Variants in CCDC91 observed in about 807,000 individuals in gnomAD.
CCDC91 encodes coiled-coil domain-containing protein 91.
In CCDC91, 48 loss-of-function variants were observed where a neutral mutation model predicts 63.2. That is an observed-to-expected ratio of 0.76 (90% CI 0.60 to 0.97). The LOEUF (loss-of-function observed/expected upper bound fraction) is 0.97, where lower values mean the gene tolerates loss of function less well. CCDC91 is among the 50% of genes least tolerant of loss of function. The probability of loss-of-function intolerance (pLI) is 0.00; values close to 1 mark genes in which losing one functional copy is unlikely to be tolerated. For missense variants in CCDC91, 500 were observed against 494.6 expected, an observed-to-expected ratio of 1.01 and a Z score of -0.10; for synonymous variants, 167 against 165.8, an observed-to-expected ratio of 1.01 and a Z score of -0.06.
At chr12:28,484,307 A>T in intron 12 of CCDC91, 142 bp downstream of exon 12, 1 of 455,466 alleles carries the variant, frequency 2.2e-6, no homozygotes, top group South Asian at 3.2e-5. Flanking sequence ...ATTTTCTGAT[A>T]TAATTATGTA....
At chr12:28,290,490 T>G (rs186597928) in intron 3 of CCDC91, among the ~76,000 whole-genome samples, 2 of 152,326 alleles carry the variant, frequency 1.3e-5, no homozygotes, top group Admixed American at 1.3e-4. Context: ...ATTAAGGCAT[T>G]TAGCCCATTT....
chr12:28,383,470 A>G (rs781001813), intron 7 of CCDC91, among the ~76,000 whole-genome samples: 1 of 152,140 alleles, frequency 6.6e-6, no homozygotes, highest in African/African-American at 2.4e-5. Context: ...CAGCTTTTCC[A>G]AAATTTTAGG....
intron 1 of CCDC91, among the ~76,000 whole-genome samples, chr12:28,217,949 T>C (rs1029494735): frequency 3.3e-5 from 5 of 152,116 alleles, no homozygotes; most frequent in Admixed American, 1.3e-4. Flanking sequence ...TGACATCCTT[T>C]TCTTACTTAT....
Position 28,200,945 on chromosome 12 carries a change from G to A in CCDC91, c.-15+10304G>A, listed in dbSNP as rs1191888651. 2.8e-4 allele frequency among the ~76,000 whole-genome samples: 42 copies of A among 148,042 alleles called. 1 individual carries two copies. Among genetic ancestry groups the A allele is most frequent in the Admixed American group, 1.2e-3 (18 of 15,156 alleles). ...CCTTCCGGACGGGGCGGCTGGCCGG[G>A]CAGGGGGCTGACCCCCCAACCTCCC... On this transcript the variant is annotated intron_variant, in intron 1 of 12. Coordinates refer to ENST00000536442, the MANE Select transcript of CCDC91 (RefSeq NM_018318.5).
intron 6 of CCDC91, among the ~76,000 whole-genome samples, chr12:28,316,283 A>G (rs1224154592): frequency 1.3e-5 from 2 of 151,644 alleles, no homozygotes; most frequent in Non-Finnish European, 1.5e-5. Context: ...ATTTGTCTTT[A>G]CTTGACTCCT....
chr12:28,205,703 ATGGT>A (rs553340437), intron 1 of CCDC91, among the ~76,000 whole-genome samples: 4 of 152,282 alleles, frequency 2.6e-5, no homozygotes, highest in Non-Finnish European at 4.4e-5. Flanking sequence ...CAGTGTATGA[ATGGT>A]TGAAGTCTTT....
chr12:28,475,639 C>A lies in CCDC91; in HGVS notation c.1102-8413C>A, dbSNP rs114666865. Among the ~76,000 whole-genome samples the A allele has an allele frequency of 4.7e-3, 722 of 152,022 alleles. 8 individuals are homozygous for A. Among genetic ancestry groups the A allele is most frequent in the African/African-American group, 0.015 (608 of 41,492 alleles). On this transcript the variant is annotated intron_variant, in intron 11 of 12. Transcript: ENST00000536442. The stretch of plus-strand genomic sequence containing the variant: ...AATACCACATTTTGGCCCCCATTTT[C>A]CCTCTGTCTTGAGTGCTCTTGCCCT...
At chr12:28,239,675 A>G (rs1176092671) in intron 1 of CCDC91, among the ~76,000 whole-genome samples, 1 of 152,202 alleles carries the variant, frequency 6.6e-6, no homozygotes, top group East Asian at 1.9e-4. Context: ...ACATCCAGAA[A>G]AATTGTTGTC....
chr12:28,544,067 G>A lies in CCDC91; in HGVS notation c.1216-4996G>A, dbSNP rs531566349. 7.9e-5 allele frequency among the ~76,000 whole-genome samples: 6 copies of A among 76,064 alleles called. No homozygotes were observed. In the East Asian group the frequency reaches 1.2e-3, roughly 16 times the overall value. 49.9% of individuals were successfully genotyped at this position (76,064 alleles called of 152,430 possible). On this transcript the variant is annotated intron_variant, in intron 12 of 12. Coordinates refer to ENST00000536442, the MANE Select transcript of CCDC91 (RefSeq NM_018318.5). Reference sequence around the variant, plus strand: ...CTGTTTTCCACGTAATAATTTGTACGATATTTTTCAAACAAAGCATGGTCA... The same window carrying A: ...CTGTTTTCCACGTAATAATTTGTACAATATTTTTCAAACAAAGCATGGTCA...
At chr12:28,428,150 C>T (rs1948428073) in intron 8 of CCDC91, among the ~76,000 whole-genome samples, 1 of 152,114 alleles carries the variant, frequency 6.6e-6, no homozygotes, top group Admixed American at 6.6e-5. Context: ...ACTCAGTCAT[C>T]ATTATTCACA....
chr12:28,370,282 C>T (rs1345859047), intron 7 of CCDC91, among the ~76,000 whole-genome samples: 3 of 152,150 alleles, frequency 2.0e-5, no homozygotes, highest in African/African-American at 7.2e-5. Context: ...GCTGCTTAGA[C>T]ATTTCTTCTG....
chr12:28,542,668 A>G (rs1942711042), intron 12 of CCDC91, among the ~76,000 whole-genome samples: 1 of 152,060 alleles, frequency 6.6e-6, no homozygotes, highest in Non-Finnish European at 1.5e-5. Context: ...CTTAACATGT[A>G]TTTTATATAA....
At chr12:28,272,069 G>A (rs1483713166) in intron 3 of CCDC91, among the ~76,000 whole-genome samples, 1 of 151,814 alleles carries the variant, frequency 6.6e-6, no homozygotes, top group African/African-American at 2.4e-5. Flanking sequence ...GCCATCTTCT[G>A]ATTTCCGTAA....
chr12:28,334,972 T>C (rs1350517245), intron 6 of CCDC91, among the ~76,000 whole-genome samples: 1 of 145,828 alleles, frequency 6.9e-6, no homozygotes, highest in Non-Finnish European at 1.5e-5. Context: ...AGGTACTGTT[T>C]AGTTCAGTGT....
intron 3 of CCDC91, among the ~76,000 whole-genome samples, chr12:28,290,575 G>A (rs941574606): frequency 7.2e-5 from 11 of 152,292 alleles, no homozygotes; most frequent in African/African-American, 2.6e-4. Flanking sequence ...ATGCAGACTT[G>A]TTTGTGTGGT....
At chr12:28,479,971 A>G (rs1259403601) in intron 11 of CCDC91, among the ~76,000 whole-genome samples, 13 of 151,960 alleles carry the variant, frequency 8.6e-5, no homozygotes, top group Non-Finnish European at 7.4e-5. Flanking sequence ...AGAGCAACCA[A>G]TCTCCATGCT....
At chr12:28,195,052 G>C (rs1297110887) in intron 1 of CCDC91, among the ~76,000 whole-genome samples, 2 of 152,178 alleles carry the variant, frequency 1.3e-5, no homozygotes, top group African/African-American at 2.4e-5. Context: ...TGCTGGCTCG[G>C]GTGGCCTGCT....
At chr12:28,214,639 A>G (rs1297759834) in intron 1 of CCDC91, among the ~76,000 whole-genome samples, 3 of 152,084 alleles carry the variant, frequency 2.0e-5, no homozygotes, top group Non-Finnish European at 4.4e-5. Flanking sequence ...ATGTAATATA[A>G]GATAGTTCGA....
chr12:28,388,070 T>G (rs1945714345), intron 7 of CCDC91, among the ~76,000 whole-genome samples: 1 of 152,184 alleles, frequency 6.6e-6, no homozygotes, highest in Non-Finnish European at 1.5e-5. Context: ...ATTACGGCCA[T>G]TCTTGCAGGA....
Sources: gnomAD v4.1 joint callset for allele counts (sites outside exome capture counted in the v4.1 genomes callset) on GRCh38, gnomAD v4.1.1 for gene constraint, MANE v1.5 for transcripts, NCBI Gene and HGNC (gene_info 2026-07-23, HGNC 2026-07-21) for gene names.